Variants in ABRAXAS2 observed in about 807,000 individuals in gnomAD.
ABRAXAS2 encodes the protein BRISC complex subunit Abraxas 2.
In ABRAXAS2, 23 loss-of-function variants were observed where a neutral mutation model predicts 49.0. That is an observed-to-expected ratio of 0.47 (90% CI 0.34 to 0.66). The LOEUF (loss-of-function observed/expected upper bound fraction) is 0.66, where lower values mean the gene tolerates loss of function less well. Ranked by LOEUF, ABRAXAS2 falls within the 30% of genes least tolerant of loss-of-function variation. The pLI, the probability that ABRAXAS2 is intolerant of heterozygous loss-of-function variation, is 0.01. For synonymous variants in ABRAXAS2, 168 were observed against 180.2 expected (o/e 0.93, Z 0.54); for missense variants, 443 against 511.9 (o/e 0.87, Z 1.30).
chr10:124,829,874 A>G (rs1950919649), intron 7 of ABRAXAS2, among the ~76,000 whole-genome samples: 1 of 152,212 alleles, frequency 6.6e-6, no homozygotes, highest in South Asian at 2.1e-4. Context: ...CTTTGCCCCC[A>G]GCTGCCTCCA....
intron 7 of ABRAXAS2, among the ~76,000 whole-genome samples, chr10:124,831,099 CT>C (rs1319418819): frequency 6.6e-6 from 1 of 152,158 alleles, no homozygotes; most frequent in African/African-American, 2.4e-5. Context: ...AAGAGTAGAT[CT>C]TTCCTATCTT....
At chr10:124,810,266 C>G (rs1347712790) in intron 2 of ABRAXAS2, among the ~76,000 whole-genome samples, 1 of 152,142 alleles carries the variant, frequency 6.6e-6, no homozygotes, top group African/African-American at 2.4e-5. Context: ...TGGCTCATAC[C>G]TGTAATCCCA....
Position 124,835,693 on chromosome 10 carries a change from C to A in ABRAXAS2, c.*722C>A, listed in dbSNP as rs1028779996. ...TTTCTTTGATGGATTACAGTGACTA[C>A]TGTGTTGCACTGGCACATTTATGGT... On this transcript the variant is annotated 3_prime_UTR_variant, in exon 9 of 9. Transcript: ENST00000298492. The A allele has an allele frequency of 6.6e-6, 1 of 152,074 alleles. No homozygotes were observed. The highest frequency in any genetic ancestry group is 6.6e-5 in the Admixed American group (1 of 15,258). 9.4% of individuals were successfully genotyped at this position (152,074 alleles called of 1,614,324 possible). A position where few individuals can be genotyped will look rare whatever the true frequency, so the allele number is the denominator to read the frequency against.
chr10:124,803,062 A>G (rs1950716958), intron 1 of ABRAXAS2, among the ~76,000 whole-genome samples: 3 of 152,202 alleles, frequency 2.0e-5, no homozygotes, highest in Non-Finnish European at 4.4e-5. Context: ...GCTATTTAAT[A>G]ATGTAATATA....
intron 2 of ABRAXAS2, among the ~76,000 whole-genome samples, chr10:124,813,375 G>A (rs1373232016): frequency 6.6e-6 from 1 of 152,188 alleles, no homozygotes. Context: ...ATGAGGTGAT[G>A]CAGTAACAAG....
chr10:124,803,578 G>T (rs1291715012), intron 1 of ABRAXAS2, among the ~76,000 whole-genome samples: 5 of 152,184 alleles, frequency 3.3e-5, no homozygotes, highest in Non-Finnish European at 7.3e-5. Flanking sequence ...ATTATTGGGA[G>T]AAAGCATCTA....
intron 6 of ABRAXAS2, 33 bp from the exon 7 acceptor site, chr10:124,829,360 C>A (rs979741312): frequency 7.6e-6 from 11 of 1,454,174 alleles, no homozygotes; most frequent in African/African-American, 4.1e-5. Context: ...GTTATGATAA[C>A]CTTGAGGCAT....
intron 4 of ABRAXAS2, among the ~76,000 whole-genome samples, chr10:124,821,242 GT>G (rs1164552440): frequency 6.7e-6 from 1 of 149,968 alleles, no homozygotes; most frequent in Admixed American, 6.7e-5. Flanking sequence ...AGAAAAATGA[GT>G]AACGACCATG....
chr10:124,808,987 C>T (rs527541610), intron 2 of ABRAXAS2, among the ~76,000 whole-genome samples: 144 of 151,894 alleles, frequency 9.5e-4, no homozygotes, highest in African/African-American at 3.3e-3. Context: ...AAAAATTAGC[C>T]GGGTGTGGTG....
At chr10:124,821,139 C>T (rs1950858600) in intron 4 of ABRAXAS2, among the ~76,000 whole-genome samples, 2 of 151,890 alleles carry the variant, frequency 1.3e-5, no homozygotes. Flanking sequence ...TCTCAAAGTC[C>T]TGGGCTCAAG....
At chr10:124,816,134 C>G (rs2629557) in intron 2 of ABRAXAS2, among the ~76,000 whole-genome samples, 3 of 152,068 alleles carry the variant, frequency 2.0e-5, no homozygotes, top group Non-Finnish European at 2.9e-5. Flanking sequence ...AACTCCTGAC[C>G]TAGTGATCTG....
chr10:124,823,179 A>C (rs1950873284), intron 4 of ABRAXAS2, among the ~76,000 whole-genome samples: 1 of 152,190 alleles, frequency 6.6e-6, no homozygotes. Context: ...CAAAAATCTG[A>C]ATTTCCAGCA....
At chr10:124,813,126 G>T (rs1463412430) in intron 2 of ABRAXAS2, among the ~76,000 whole-genome samples, 1 of 151,946 alleles carries the variant, frequency 6.6e-6, no homozygotes, top group Non-Finnish European at 1.5e-5. Flanking sequence ...GCTTGAATGT[G>T]GGAGGCGGAG....
Position 124,826,645 on chromosome 10 carries a change from C to T in ABRAXAS2, c.318C>T (p.Ser106=). The T allele has an allele frequency of 6.2e-7, 1 of 1,614,174 alleles. No homozygotes were observed. The highest frequency in any genetic ancestry group is 8.5e-7 in the Non-Finnish European group (1 of 1,180,030). ...RFRRNTQQQM[S]YREQVLHKQL... ...GGCGCAATACGCAGCAGCAGATGTC[C>T]TACAGAGAGCAGGTTCTTCACAAGC... is the stretch of plus-strand genomic sequence containing the variant. The change falls in exon 5 of 9, where the codon TCC becomes TCT. Residue 106 remains serine, a synonymous_variant. Transcript: ENST00000298492.
In ABRAXAS2 at chr10:124,826,885, G is replaced by A. The variant is rs555166641; in HGVS notation, c.458+100G>A. The A allele has an allele frequency of 9.5e-6, 11 of 1,154,982 alleles. No homozygotes were observed. In the South Asian group the frequency reaches 1.4e-4, roughly 15 times the overall value. The allele number at this position is 1,154,982 out of a possible 1,614,324, so 71.5% of individuals were successfully genotyped here. A position where few individuals can be genotyped will look rare whatever the true frequency, so the allele number is the denominator to read the frequency against. ...TCCCAGCACTTTGGAAGGCTGAGGCGGATGGATCATGAGGTCAAGAGATTG... is the reference window on the plus strand; with the variant it reads ...TCCCAGCACTTTGGAAGGCTGAGGCAGATGGATCATGAGGTCAAGAGATTG... On this transcript the variant is annotated intron_variant, in intron 5 of 8. Coordinates refer to ENST00000298492, the MANE Select transcript of ABRAXAS2 (RefSeq NM_032182.4).
At chr10:124,826,912 G>C (rs573408363) in intron 5 of ABRAXAS2, 127 bp downstream of exon 5, 1 of 897,520 alleles carries the variant, frequency 1.1e-6, no homozygotes, top group African/African-American at 1.7e-5. Context: ...AAGAGATTGA[G>C]ACCATCCTGG....
At chr10:124,833,479 T>G (rs1022869586) in intron 8 of ABRAXAS2, among the ~76,000 whole-genome samples, 4 of 152,014 alleles carry the variant, frequency 2.6e-5, no homozygotes, top group African/African-American at 9.7e-5. Context: ...AACAGAAAAC[T>G]AGGATATAAA....
At chr10:124,818,392 T>C (rs1358268331) in intron 3 of ABRAXAS2, among the ~76,000 whole-genome samples, 3 of 137,566 alleles carry the variant, frequency 2.2e-5, no homozygotes, top group African/African-American at 8.2e-5. Flanking sequence ...CGAGACTCCA[T>C]CTCAACAAAA....
intron 1 of ABRAXAS2, among the ~76,000 whole-genome samples, chr10:124,804,913 C>A (rs1252522064): frequency 4.6e-5 from 7 of 151,512 alleles, no homozygotes; most frequent in Non-Finnish European, 1.0e-4. Context: ...GGGGTTTCTC[C>A]ATGTTGGCCA....
Sources: allele counts gnomAD v4.1 joint callset (sites outside exome capture counted in the v4.1 genomes callset), GRCh38; gene constraint gnomAD v4.1.1; transcripts MANE v1.5; gene names NCBI Gene and HGNC (gene_info 2026-07-23, HGNC 2026-07-21).